SFRP1: variants seen among roughly 807,000 people sequenced by gnomAD.
SFRP1 encodes the protein secreted frizzled related protein 1.
In SFRP1, 9 loss-of-function variants were observed where a neutral mutation model predicts 25.9. The ratio of observed to expected loss-of-function variants is 0.35; its 90% CI spans 0.21 to 0.61. The LOEUF (loss-of-function observed/expected upper bound fraction) is 0.61, where lower values mean the gene tolerates loss of function less well. Among genes scored for constraint, SFRP1 ranks in the 20% least tolerant of loss-of-function variants. SFRP1 has a pLI of 0.78. For synonymous variants in SFRP1, 178 were observed against 174.0 expected (o/e 1.02, Z -0.18); for missense variants, 346 against 418.2 (o/e 0.83, Z 1.51).
chr8:41,276,140 C>T (rs980893702), intron 2 of SFRP1, among the ~76,000 whole-genome samples: 6 of 152,138 alleles, frequency 3.9e-5, no homozygotes, highest in Admixed American at 3.3e-4. Flanking sequence ...CTGCTCCACC[C>T]CTCCTACCCC....
rs1403390967 is a variant in SFRP1 at position 41,283,631 on chromosome 8, T to G, written c.623-18142A>C. On this transcript the variant is annotated intron_variant, in intron 2 of 2. Coordinates refer to ENST00000220772, the MANE Select transcript of SFRP1 (RefSeq NM_003012.5). Reference sequence around the variant, plus strand: ...TTTCTCTCTGTCACCCAGGCTGGAGTGCAGTGGCACAATCTGCCTCCCAGG... The same window carrying G: ...TTTCTCTCTGTCACCCAGGCTGGAGGGCAGTGGCACAATCTGCCTCCCAGG... 2.7e-5 allele frequency among the ~76,000 whole-genome samples: 4 copies of G among 149,326 alleles called. No individual in the cohort carries two copies. In the East Asian group the frequency reaches 5.9e-4, roughly 22 times the overall value.
intron 2 of SFRP1, among the ~76,000 whole-genome samples, chr8:41,286,282 G>A (rs1166680520): frequency 1.3e-5 from 2 of 152,234 alleles, no homozygotes; most frequent in East Asian, 3.8e-4. Flanking sequence ...AGAGCTGTCA[G>A]TCACAGGGAA....
At chr8:41,276,155 AGCCTCCAG>A (rs908829319) in intron 2 of SFRP1, among the ~76,000 whole-genome samples, 10 of 152,102 alleles carry the variant, frequency 6.6e-5, no homozygotes, top group African/African-American at 2.4e-4. Flanking sequence ...TACCCCACAG[AGCCTCCAG>A]GTGGAAAAGT....
intron 1 of SFRP1, among the ~76,000 whole-genome samples, chr8:41,305,849 C>T (rs572656831): frequency 3.3e-5 from 5 of 152,196 alleles, no homozygotes; most frequent in African/African-American, 9.7e-5. Flanking sequence ...TCACACACAA[C>T]CCCCACAATC....
chr8:41,284,997 C>T (rs551359156), intron 2 of SFRP1, among the ~76,000 whole-genome samples: 9 of 152,320 alleles, frequency 5.9e-5, no homozygotes, highest in East Asian at 5.8e-4. Flanking sequence ...CAAGCCAGCC[C>T]GACACTCAGT....
intron 2 of SFRP1, among the ~76,000 whole-genome samples, chr8:41,293,695 C>G (rs564667576): frequency 5.9e-5 from 9 of 152,010 alleles, no homozygotes; most frequent in Admixed American, 2.0e-4. Flanking sequence ...TACCAAAGAG[C>G]AGAGACAAAA....
chr8:41,271,815 T>A (rs529074116), intron 2 of SFRP1, among the ~76,000 whole-genome samples: 27 of 150,634 alleles, frequency 1.8e-4, no homozygotes, highest in Admixed American at 3.3e-4. Flanking sequence ...AAAAAAAAAA[T>A]TAGCCAGGCA....
chr8:41,273,363 C>T (rs1421980543), intron 2 of SFRP1, among the ~76,000 whole-genome samples: 1 of 144,086 alleles, frequency 6.9e-6, no homozygotes, highest in African/African-American at 2.6e-5. Flanking sequence ...TAGTGATGCG[C>T]ACCTGTGGGC....
intron 2 of SFRP1, among the ~76,000 whole-genome samples, chr8:41,274,283 A>G (rs1803546150): frequency 6.6e-6 from 1 of 152,258 alleles, no homozygotes; most frequent in Non-Finnish European, 1.5e-5. Context: ...ATGGTAGGAA[A>G]GAGAACTCAG....
At chr8:41,308,489 C>T in intron 1 of SFRP1, 127 bp downstream of exon 1, 2 of 740,418 alleles carry the variant, frequency 2.7e-6, no homozygotes. Context: ...ATGCGAGCAA[C>T]CTCGGGCCCT....
intron 1 of SFRP1, 125 bp downstream of exon 1, chr8:41,308,491 T>C: frequency 1.3e-6 from 1 of 752,546 alleles, no homozygotes; most frequent in Non-Finnish European, 2.1e-6. Context: ...GCGAGCAACC[T>C]CGGGCCCTCA....
rs1803393912 is a variant in SFRP1, at chr8:41,263,091, C to T, written c.*2076G>A. ...CAGGTAAACCCCTCCACTAAGGACT[C>T]TGCCGCAGAGAGAGGGCCCGGTTGC... is the stretch of plus-strand genomic sequence containing the variant. On this transcript the variant is annotated 3_prime_UTR_variant, in exon 3 of 3. Transcript: ENST00000220772. 1 of 152,508 alleles carries T rather than the reference C, an allele frequency of 6.6e-6. No individual in the cohort carries two copies. Among genetic ancestry groups the T allele is most frequent in the Non-Finnish European group, 1.5e-5 (1 of 68,062 alleles). 9.4% of individuals were successfully genotyped at this position (152,508 alleles called of 1,614,324 possible).
chr8:41,291,929 G>T (rs1272333231), intron 2 of SFRP1, among the ~76,000 whole-genome samples: 4 of 152,152 alleles, frequency 2.6e-5, no homozygotes, highest in African/African-American at 9.7e-5. Flanking sequence ...GGCCCCAGGA[G>T]TGGGGACAGC....
intron 2 of SFRP1, among the ~76,000 whole-genome samples, chr8:41,273,769 G>A (rs1803539783): frequency 1.3e-5 from 2 of 152,178 alleles, no homozygotes; most frequent in South Asian, 4.1e-4. Context: ...CTTGGATTGA[G>A]GGATGCTGAG....
chr8:41,308,076 C>A (rs1804020609), intron 1 of SFRP1, among the ~76,000 whole-genome samples: 1 of 152,156 alleles, frequency 6.6e-6, no homozygotes. Context: ...GACTGAATGA[C>A]CAGTGAAGGA....
chr8:41,299,662 CAA>C lies in SFRP1; in HGVS notation c.622+3797_622+3798del, dbSNP rs61141419. Among the ~76,000 whole-genome samples, 101 of 66,366 alleles carry C rather than the reference CAA, an allele frequency of 1.5e-3. 1 individual carries two copies. The highest frequency in any genetic ancestry group is 5.7e-3 in the African/African-American group (84 of 14,794). The allele number at this position is 66,366 out of a possible 152,430, so 43.5% of individuals were successfully genotyped here. On this transcript the variant is annotated intron_variant, in intron 2 of 2. Coordinates refer to ENST00000220772, the MANE Select transcript of SFRP1 (RefSeq NM_003012.5). ...GCCCAGGTAGAGCGAGACTTAGTCT[CAA>C]AAAAAAAAAAAAAAAAAAAATTCCA...
chr8:41,287,141 T>C (rs1047534473), intron 2 of SFRP1, among the ~76,000 whole-genome samples: 2 of 152,232 alleles, frequency 1.3e-5, no homozygotes, highest in African/African-American at 4.8e-5. Context: ...GTCTTCCCTT[T>C]GCTGGACTGC....
intron 2 of SFRP1, among the ~76,000 whole-genome samples, chr8:41,289,702 A>G (rs1487907485): frequency 6.6e-6 from 1 of 152,254 alleles, no homozygotes; most frequent in Non-Finnish European, 1.5e-5. Flanking sequence ...ACTTGCTGCA[A>G]ACACTGAAAC....
chr8:41,294,343 G>C (rs1355158922), intron 2 of SFRP1, among the ~76,000 whole-genome samples: 2 of 152,098 alleles, frequency 1.3e-5, no homozygotes, highest in Non-Finnish European at 2.9e-5. Context: ...ACACCGACGT[G>C]GAAAATTTTC....
Sources: allele counts gnomAD v4.1 joint callset (sites outside exome capture counted in the v4.1 genomes callset), GRCh38; gene constraint gnomAD v4.1.1; transcripts MANE v1.5; gene names NCBI Gene and HGNC (gene_info 2026-07-23, HGNC 2026-07-21).